The following CDH9 variants were observed in gnomAD, a reference collection of about 807,000 sequenced individuals.
The protein encoded by CDH9 is cadherin-9.
In CDH9, 28 loss-of-function variants were observed where a neutral mutation model predicts 70.9. The observed-to-expected ratio is 0.40, with a 90% CI of 0.29 to 0.54. The LOEUF is 0.54. Ranked by LOEUF, CDH9 falls within the 20% of genes least tolerant of loss-of-function variation. CDH9 has a pLI of 0.59. For synonymous variants in CDH9, 409 were observed against 343.1 expected (o/e 1.19, Z -2.12); for missense variants, 874 against 984.4 (o/e 0.89, Z 1.50).
intron 9 of CDH9, among the ~76,000 whole-genome samples, chr5:26,887,479 A>G (rs942646303): frequency 1.3e-5 from 2 of 150,254 alleles, no homozygotes; most frequent in African/African-American, 4.9e-5. Context: ...ATAATTAGTT[A>G]ATATTAATTA....
chr5:26,987,204 C>T (rs1480695299), intron 2 of CDH9, among the ~76,000 whole-genome samples: 3 of 148,984 alleles, frequency 2.0e-5, no homozygotes, highest in African/African-American at 7.4e-5. Flanking sequence ...TACATATATG[C>T]CATGACTCAA....
chr5:27,001,844 A>ACACTCTCTCTCTCTCTCTCTCTCTCT (rs1312157550), intron 1 of CDH9, among the ~76,000 whole-genome samples: 1 of 142,060 alleles, frequency 7.0e-6, no homozygotes, highest in African/African-American at 2.7e-5. Flanking sequence ...ACACACACAC[A>ACACTCTCTCTCTCTCTCTCTCTCTCT]CTCTCTCTCT....
intron 2 of CDH9, among the ~76,000 whole-genome samples, chr5:26,949,203 C>T (rs2112044756): frequency 6.6e-6 from 1 of 152,268 alleles, no homozygotes; most frequent in African/African-American, 2.4e-5. Context: ...AATGCAGCTC[C>T]ATTACCAAGC....
chr5:26,997,059 T>A (rs757146068), intron 1 of CDH9, among the ~76,000 whole-genome samples: 1 of 152,044 alleles, frequency 6.6e-6, no homozygotes, highest in Non-Finnish European at 1.5e-5. Context: ...GACCTTTTGC[T>A]AATGGTTTAT....
At chr5:26,992,844 C>A (rs1742599429) in intron 1 of CDH9, among the ~76,000 whole-genome samples, 1 of 152,104 alleles carries the variant, frequency 6.6e-6, no homozygotes, top group South Asian at 2.1e-4. Context: ...GGCCTGTAAT[C>A]CTAGCACATT....
intron 3 of CDH9, among the ~76,000 whole-genome samples, chr5:26,912,343 A>T (rs12055236): frequency 0.055 from 8,383 of 151,930 alleles, 269 homozygotes; most frequent in East Asian, 0.13. Flanking sequence ...AGTAAAGAAA[A>T]TCACACCTGC....
At chr5:26,985,913 A>G (rs546995972) in intron 2 of CDH9, among the ~76,000 whole-genome samples, 1 of 152,230 alleles carries the variant, frequency 6.6e-6, no homozygotes, top group Non-Finnish European at 1.5e-5. Flanking sequence ...ATATATGCAA[A>G]TAAATAGTGA....
At chr5:26,923,228 G>T (rs1014459682) in intron 2 of CDH9, among the ~76,000 whole-genome samples, 1 of 141,698 alleles carries the variant, frequency 7.1e-6, no homozygotes, top group Non-Finnish European at 1.6e-5. Flanking sequence ...CGTATTCTAT[G>T]CCAGTAAAAA....
intron 11 of CDH9, among the ~76,000 whole-genome samples, chr5:26,881,940 C>T (rs1740474869): frequency 6.6e-6 from 1 of 152,020 alleles, no homozygotes; most frequent in South Asian, 2.1e-4. Context: ...CAAATGTGCA[C>T]TCATTTCAAA....
intron 2 of CDH9, among the ~76,000 whole-genome samples, chr5:26,943,405 C>A: frequency 6.6e-6 from 1 of 151,648 alleles, no homozygotes; most frequent in Non-Finnish European, 1.5e-5. Context: ...TCCAGCTACT[C>A]ATGAGGCTGA....
At chr5:26,901,316 T>C (rs1438950473) in intron 7 of CDH9, among the ~76,000 whole-genome samples, 1 of 151,952 alleles carries the variant, frequency 6.6e-6, no homozygotes, top group Non-Finnish European at 1.5e-5. Context: ...AAACTAACCC[T>C]AATTTTCAAT....
chr5:26,949,889 G>A (rs1470019798), intron 2 of CDH9, among the ~76,000 whole-genome samples: 1 of 152,136 alleles, frequency 6.6e-6, no homozygotes, highest in African/African-American at 2.4e-5. Flanking sequence ...CTCAAAAATG[G>A]TGGAAAACAA....
intron 7 of CDH9, among the ~76,000 whole-genome samples, chr5:26,892,665 A>G (rs1344699366): frequency 6.6e-6 from 1 of 152,162 alleles, no homozygotes; most frequent in African/African-American, 2.4e-5. Flanking sequence ...TTTGGCAAAC[A>G]TAAGTAATAG....
chr5:26,931,558 G>A lies in CDH9; in HGVS notation c.229-15634C>T, dbSNP rs532998293. 1.7e-3 allele frequency among the ~76,000 whole-genome samples: 254 copies of A among 152,172 alleles called. 3 individuals are homozygous for A. The highest frequency in any genetic ancestry group is 3.8e-3 in the Admixed American group (58 of 15,262). ...GCATTAGAAGTAAAACCTACATTGC[G>A]TGAGTAAAGAGTACATCATAAGAAA... On this transcript the variant is annotated intron_variant, in intron 2 of 11. Transcript: ENST00000231021.
intron 3 of CDH9, among the ~76,000 whole-genome samples, chr5:26,914,722 ATTT>A (rs1240686846): frequency 6.6e-6 from 1 of 152,048 alleles, no homozygotes; most frequent in African/African-American, 2.4e-5. Context: ...TATAGAAATT[ATTT>A]TAGACTGAAA....
intron 2 of CDH9, among the ~76,000 whole-genome samples, chr5:26,931,214 G>A (rs1481318948): frequency 6.6e-6 from 1 of 152,116 alleles, no homozygotes; most frequent in Non-Finnish European, 1.5e-5. Flanking sequence ...CAGGGAAGTA[G>A]AGTATGTGCA....
intron 8 of CDH9, 36 bp from the exon 9 acceptor site, chr5:26,889,993 T>C: frequency 6.2e-7 from 1 of 1,601,588 alleles, no homozygotes. Flanking sequence ...TCAGTCTCAT[T>C]TACACAGAAG....
intron 1 of CDH9, among the ~76,000 whole-genome samples, chr5:27,022,871 T>A (rs1743162645): frequency 6.6e-6 from 1 of 151,832 alleles, no homozygotes; most frequent in Non-Finnish European, 1.5e-5. Flanking sequence ...CTTCAGGGAG[T>A]CCAGTTCTGA....
At chr5:26,989,290 T>C (rs977579396) in intron 1 of CDH9, among the ~76,000 whole-genome samples, 6 of 152,088 alleles carry the variant, frequency 3.9e-5, no homozygotes, top group African/African-American at 1.4e-4. Flanking sequence ...TTTTAATTTG[T>C]ATGATACTTA....
Sources: gnomAD v4.1 joint callset for allele counts (sites outside exome capture counted in the v4.1 genomes callset) on GRCh38, gnomAD v4.1.1 for gene constraint, MANE v1.5 for transcripts, NCBI Gene and HGNC (gene_info 2026-07-23, HGNC 2026-07-21) for gene names.